RIT2: variants seen among roughly 807,000 people sequenced by gnomAD.
RIT2 encodes Ras like without CAAX 2.
Under a neutral mutation model 23.7 loss-of-function variants are expected in RIT2, and 24 were observed. The observed-to-expected ratio is 1.01, with a 90% confidence interval of 0.73 to 1.43. The LOEUF is 1.43. Ranked by LOEUF, RIT2 falls within the 40% of genes most tolerant of loss-of-function variation. RIT2 has a pLI of 0.00. For synonymous variants in RIT2, 107 were observed against 91.1 expected (o/e 1.17, Z -0.99); for missense variants, 236 against 266.9 (o/e 0.88, Z 0.81).
chr18:42,893,947 T>C (rs1908252590), intron 4 of RIT2, among the ~76,000 whole-genome samples: 1 of 152,232 alleles, frequency 6.6e-6, no homozygotes, highest in Non-Finnish European at 1.5e-5. Context: ...AAGTAATCCC[T>C]TCACAAAATT....
chr18:42,966,765 A>G (rs1910233944), intron 3 of RIT2, among the ~76,000 whole-genome samples: 1 of 152,160 alleles, frequency 6.6e-6, no homozygotes, highest in Non-Finnish European at 1.5e-5. Flanking sequence ...CAATTGGGGC[A>G]TTATAAATCT....
chr18:42,824,070 T>G (rs1399698771), intron 4 of RIT2, among the ~76,000 whole-genome samples: 1 of 152,264 alleles, frequency 6.6e-6, no homozygotes, highest in South Asian at 2.1e-4. Flanking sequence ...AGTTATTCAG[T>G]AAATGATGTT....
chr18:42,876,906 A>T (rs1017755658), intron 4 of RIT2, among the ~76,000 whole-genome samples: 6 of 151,868 alleles, frequency 4.0e-5, no homozygotes, highest in Admixed American at 2.6e-4. Flanking sequence ...CGATTTTTTT[A>T]AAATCTTGCT....
chr18:43,079,352 G>GA (rs1442853392), intron 1 of RIT2, among the ~76,000 whole-genome samples: 1 of 152,134 alleles, frequency 6.6e-6, no homozygotes, highest in East Asian at 1.9e-4. Context: ...AGACAAATCA[G>GA]AAAAAAATAT....
chr18:42,936,720 T>C (rs1372990207), intron 3 of RIT2, among the ~76,000 whole-genome samples: 2 of 152,132 alleles, frequency 1.3e-5, no homozygotes, highest in African/African-American at 2.4e-5. Context: ...GATGTAATTA[T>C]GAGAATGTGG....
chr18:42,997,975 T>C lies in RIT2; in HGVS notation c.161-23828A>G, dbSNP rs577676929. Among the ~76,000 whole-genome samples, 4 of 152,278 alleles carry C rather than the reference T, an allele frequency of 2.6e-5. No individual in the cohort carries two copies. The South Asian group carries it at 6.2e-4, about 24-fold the overall frequency. On this transcript the variant is annotated intron_variant, in intron 2 of 4. Transcript: ENST00000326695. Reference sequence around the variant, plus strand: ...AGTGAAAAACAATGGAAACTTTAGATTGTAACCAAATCATCTAAGCCACAG... The same window carrying C: ...AGTGAAAAACAATGGAAACTTTAGACTGTAACCAAATCATCTAAGCCACAG...
At chr18:42,927,584 T>C (rs1487277540) in intron 3 of RIT2, among the ~76,000 whole-genome samples, 1 of 152,040 alleles carries the variant, frequency 6.6e-6, no homozygotes, top group Non-Finnish European at 1.5e-5. Flanking sequence ...CTATACTTTC[T>C]GTTTGATGTA....
At chr18:42,781,447 C>T (rs968519475) in intron 4 of RIT2, among the ~76,000 whole-genome samples, 6 of 152,066 alleles carry the variant, frequency 3.9e-5, no homozygotes, top group African/African-American at 7.2e-5. Context: ...CTAAGAGCTG[C>T]GAACCTTCCC....
chr18:42,893,665 C>G (rs1334404411), intron 4 of RIT2, among the ~76,000 whole-genome samples: 1 of 152,102 alleles, frequency 6.6e-6, no homozygotes, highest in Non-Finnish European at 1.5e-5. Flanking sequence ...GGCCATGAAA[C>G]CTACAAATGA....
intron 4 of RIT2, among the ~76,000 whole-genome samples, chr18:42,797,225 A>T (rs1214520973): frequency 6.6e-6 from 1 of 152,180 alleles, no homozygotes; most frequent in Non-Finnish European, 1.5e-5. Flanking sequence ...TAATCTAAAA[A>T]GAAACTCAAA....
chr18:43,071,898 T>G (rs1178058853), intron 1 of RIT2, among the ~76,000 whole-genome samples: 1 of 152,180 alleles, frequency 6.6e-6, no homozygotes, highest in Non-Finnish European at 1.5e-5. Flanking sequence ...TGTTCATTTA[T>G]TCCCCTTCTG....
At chr18:42,858,469 A>G (rs185942522) in intron 4 of RIT2, among the ~76,000 whole-genome samples, 2 of 152,220 alleles carry the variant, frequency 1.3e-5, no homozygotes, top group African/African-American at 4.8e-5. Flanking sequence ...AGAAGTAGAC[A>G]GTGCAGCGTT....
At chr18:42,833,870 T>G (rs1163859490) in intron 4 of RIT2, among the ~76,000 whole-genome samples, 2 of 151,674 alleles carry the variant, frequency 1.3e-5, no homozygotes, top group African/African-American at 4.8e-5. Flanking sequence ...AACACAGTAT[T>G]GTTCTCAGGG....
At chr18:43,104,863 C>A (rs1409380568) in intron 1 of RIT2, among the ~76,000 whole-genome samples, 1 of 152,052 alleles carries the variant, frequency 6.6e-6, no homozygotes, top group Non-Finnish European at 1.5e-5. Flanking sequence ...GCTTTTCCTG[C>A]AACCATTAAA....
At chr18:42,890,123 A>C (rs1908130247) in intron 4 of RIT2, among the ~76,000 whole-genome samples, 1 of 152,052 alleles carries the variant, frequency 6.6e-6, no homozygotes, top group Non-Finnish European at 1.5e-5. Context: ...GACCTCAGGA[A>C]AATCATTTGA....
chr18:42,890,376 T>C (rs750717299), intron 4 of RIT2, among the ~76,000 whole-genome samples: 4 of 152,074 alleles, frequency 2.6e-5, no homozygotes, highest in African/African-American at 9.7e-5. Context: ...GTTTTTATCT[T>C]GTAGATAAAA....
intron 2 of RIT2, among the ~76,000 whole-genome samples, chr18:42,990,009 ATGTG>A (rs5824463): frequency 0.12 from 18,049 of 148,736 alleles, 1,194 homozygotes; most frequent in East Asian, 0.25. Flanking sequence ...ATTTACAGAT[ATGTG>A]TGTGTGTGTG....
At chr18:42,932,590 T>C (rs1909353589) in intron 3 of RIT2, among the ~76,000 whole-genome samples, 1 of 152,222 alleles carries the variant, frequency 6.6e-6, no homozygotes, top group Non-Finnish European at 1.5e-5. Context: ...CTCTTACCAT[T>C]GTGCCTTCAG....
intron 2 of RIT2, among the ~76,000 whole-genome samples, chr18:43,014,419 T>C (rs77490236): frequency 6.6e-4 from 100 of 151,814 alleles, no homozygotes; most frequent in African/African-American, 2.2e-3. Context: ...ACTACCCTTT[T>C]TTTTCTCCTG....
Sources: allele counts gnomAD v4.1 joint callset (sites outside exome capture counted in the v4.1 genomes callset), GRCh38; gene constraint gnomAD v4.1.1; transcripts MANE v1.5; gene names NCBI Gene and HGNC (gene_info 2026-07-23, HGNC 2026-07-21).